PDE4D: variants seen among roughly 807,000 people sequenced by gnomAD.
The protein encoded by PDE4D is 3',5'-cyclic-AMP phosphodiesterase 4D.
PDE4D carries 24 observed loss-of-function variants against 87.4 expected under a neutral mutation model. The ratio of observed to expected loss-of-function variants is 0.27; its 90% CI spans 0.20 to 0.39. PDE4D has a LOEUF of 0.39. Among genes scored for constraint, PDE4D ranks in the 10% least tolerant of loss-of-function variants. The probability of loss-of-function intolerance (pLI) is 1.00; values close to 1 mark genes in which losing one functional copy is unlikely to be tolerated. For synonymous variants in PDE4D, 384 were observed against 383.2 expected (o/e 1.00, Z -0.02); for missense variants, 714 against 1,041.0 (o/e 0.69, Z 4.32).
At chr5:60,276,392 T>A (rs1047533794) in intron 1 of PDE4D, among the ~76,000 whole-genome samples, 4 of 152,212 alleles carry the variant, frequency 2.6e-5, no homozygotes, top group Admixed American at 1.3e-4. Flanking sequence ...TAAAGCTGAC[T>A]CCTTACACAT....
At chr5:60,036,591 G>T (rs1402096346) in intron 2 of PDE4D, among the ~76,000 whole-genome samples, 1 of 152,148 alleles carries the variant, frequency 6.6e-6, no homozygotes, top group East Asian at 1.9e-4. Context: ...CTTGTTAAAA[G>T]AATATTAGGG....
At chr5:59,364,443 G>A (rs996007419) in intron 1 of PDE4D, among the ~76,000 whole-genome samples, 1 of 152,110 alleles carries the variant, frequency 6.6e-6, no homozygotes, top group Non-Finnish European at 1.5e-5. Context: ...ACACACAATT[G>A]TTATTTCATT....
intron 1 of PDE4D, among the ~76,000 whole-genome samples, chr5:59,243,900 T>C (rs955878074): frequency 9.2e-5 from 14 of 152,056 alleles, no homozygotes; most frequent in African/African-American, 3.1e-4. Context: ...TAACCAGAGA[T>C]ACAGATTAAC....
At chr5:59,565,769 T>C (rs1304205896) in intron 1 of PDE4D, among the ~76,000 whole-genome samples, 1 of 152,086 alleles carries the variant, frequency 6.6e-6, no homozygotes, top group Non-Finnish European at 1.5e-5. Context: ...AGTGCAGCTG[T>C]GCCTATGTTT....
At position 59,879,290 on chromosome 5, in the gene PDE4D, G is replaced by A. The variant is rs535679414; in HGVS notation, c.455+13878C>T. On this transcript the variant is annotated intron_variant, in intron 1 of 14. Coordinates refer to ENST00000340635, the MANE Select transcript of PDE4D (RefSeq NM_001104631.2). ...TGCCTCTGTAACATCTTATAGGGAA[G>A]TTAAGGAATCTTTAGCAAAGCCTTA... 2.8e-3 allele frequency among the ~76,000 whole-genome samples: 433 copies of A among 152,274 alleles called. 6 individuals are homozygous for A. The highest frequency in any genetic ancestry group is 9.4e-4 in the Non-Finnish European group (64 of 68,016).
Position 59,563,334 on chromosome 5 carries a change from G to A in PDE4D, c.455+329834C>T, listed in dbSNP as rs147584856. ...CAGGGTTGAAGCAGCAGGACTCATTGATAGAAAGAGAGAAGCAAATAAAAG... is the reference window on the plus strand; with the variant it reads ...CAGGGTTGAAGCAGCAGGACTCATTAATAGAAAGAGAGAAGCAAATAAAAG... On this transcript the variant is annotated intron_variant, in intron 1 of 14. Transcript: ENST00000340635. 6.3e-3 allele frequency among the ~76,000 whole-genome samples: 962 copies of A among 152,340 alleles called. 4 individuals carry two copies. Among genetic ancestry groups the A allele is most frequent in the Middle Eastern group, 0.017 (5 of 294 alleles).
chr5:59,659,422 C>T (rs1407955595), intron 1 of PDE4D, among the ~76,000 whole-genome samples: 1 of 152,184 alleles, frequency 6.6e-6, no homozygotes, highest in Non-Finnish European at 1.5e-5. Context: ...CAACCAACTG[C>T]ATTTTGGTTT....
intron 1 of PDE4D, among the ~76,000 whole-genome samples, chr5:59,506,766 A>C (rs1280657856): frequency 6.6e-6 from 1 of 152,184 alleles, no homozygotes; most frequent in Non-Finnish European, 1.5e-5. Flanking sequence ...CTCAACTAGA[A>C]TGGTTAAAAT....
intron 3 of PDE4D, among the ~76,000 whole-genome samples, chr5:59,969,001 C>G (rs895991022): frequency 5.0e-5 from 7 of 139,640 alleles, no homozygotes; most frequent in Admixed American, 2.8e-4. Flanking sequence ...ACCCCCCCCC[C>G]GAAAAAAAGA....
chr5:59,714,711 T>A (rs962627569), intron 1 of PDE4D, among the ~76,000 whole-genome samples: 2 of 152,256 alleles, frequency 1.3e-5, no homozygotes, highest in African/African-American at 4.8e-5. Flanking sequence ...CAGTGGACTT[T>A]CATAGTGTTG....
At chr5:59,522,583 C>T (rs1298866662) in intron 1 of PDE4D, among the ~76,000 whole-genome samples, 1 of 152,114 alleles carries the variant, frequency 6.6e-6, no homozygotes, top group African/African-American at 2.4e-5. Flanking sequence ...TTGAGAAGAC[C>T]CTTTATTTCC....
intron 5 of PDE4D, among the ~76,000 whole-genome samples, chr5:59,116,649 G>T (rs992468268): frequency 6.6e-6 from 1 of 152,116 alleles, no homozygotes; most frequent in Non-Finnish European, 1.5e-5. Flanking sequence ...CGTACTCCAC[G>T]GCTGCAGGAA....
chr5:60,030,339 A>G (rs1171182157), intron 2 of PDE4D, among the ~76,000 whole-genome samples: 1 of 152,084 alleles, frequency 6.6e-6, no homozygotes, highest in Non-Finnish European at 1.5e-5. Context: ...AGTCCCAGCT[A>G]CTCGGGAGGC....
intron 1 of PDE4D, among the ~76,000 whole-genome samples, chr5:59,763,492 T>A (rs927999977): frequency 6.6e-6 from 1 of 152,160 alleles, no homozygotes; most frequent in African/African-American, 2.4e-5. Flanking sequence ...ACAGCAACTT[T>A]TAAGTTCCCA....
At chr5:59,149,398 T>C (rs1371664601) in intron 5 of PDE4D, among the ~76,000 whole-genome samples, 1 of 152,126 alleles carries the variant, frequency 6.6e-6, no homozygotes, top group East Asian at 1.9e-4. Flanking sequence ...CAAGAGCCAT[T>C]ACAGCACACC....
chr5:59,737,335 T>C (rs1419721043), intron 1 of PDE4D, among the ~76,000 whole-genome samples: 3 of 152,142 alleles, frequency 2.0e-5, no homozygotes, highest in Non-Finnish European at 4.4e-5. Context: ...TTTCGGTATG[T>C]ATTAAATTCC....
rs534830970 is a variant in PDE4D, at chr5:59,746,012, C to T, written c.455+147156G>A. Among the ~76,000 whole-genome samples, 40 of 152,256 alleles carry T rather than the reference C, an allele frequency of 2.6e-4. 1 individual carries two copies. The highest frequency in any genetic ancestry group is 2.3e-3 in the South Asian group (11 of 4,824). On this transcript the variant is annotated intron_variant, in intron 1 of 14. Coordinates refer to ENST00000340635, the MANE Select transcript of PDE4D (RefSeq NM_001104631.2). ...CTTGTAAAAGTATTTCATGCCAACACATAAAACCTATTTATTTAAGAAAAG... is the reference window on the plus strand; with the variant it reads ...CTTGTAAAAGTATTTCATGCCAACATATAAAACCTATTTATTTAAGAAAAG...
chr5:59,838,467 T>G, intron 1 of PDE4D, among the ~76,000 whole-genome samples: 1 of 152,094 alleles, frequency 6.6e-6, no homozygotes, highest in Admixed American at 6.6e-5. Context: ...GTTGGCATTC[T>G]TGCCTAAATT....
intron 2 of PDE4D, among the ~76,000 whole-genome samples, chr5:60,066,218 C>T (rs1382593561): frequency 6.6e-6 from 1 of 152,088 alleles, no homozygotes; most frequent in East Asian, 1.9e-4. Flanking sequence ...TGTTTTTTGG[C>T]TGCATAAATG....
Sources: gnomAD v4.1 joint callset for allele counts (sites outside exome capture counted in the v4.1 genomes callset) on GRCh38, gnomAD v4.1.1 for gene constraint, MANE v1.5 for transcripts, NCBI Gene and HGNC (gene_info 2026-07-23, HGNC 2026-07-21) for gene names.